The following CACNA2D3 variants were observed in gnomAD, a reference collection of about 807,000 sequenced individuals.
The protein encoded by CACNA2D3 is voltage-dependent calcium channel subunit alpha-2/delta-3.
Under a neutral mutation model 160.6 loss-of-function variants are expected in CACNA2D3, and 60 were observed. The observed-to-expected ratio is 0.37, with a 90% CI of 0.30 to 0.46. CACNA2D3 has a LOEUF of 0.46. Ranked by LOEUF, CACNA2D3 falls within the 20% of genes least tolerant of loss-of-function variation. The pLI is 1.00. For synonymous variants in CACNA2D3, 558 were observed against 492.9 expected, an observed-to-expected ratio of 1.13 and a Z score of -1.75; for missense variants, 1,205 against 1,365.0, an observed-to-expected ratio of 0.88 and a Z score of 1.85.
chr3:54,290,053 C>T (rs1272639421), intron 2 of CACNA2D3, among the ~76,000 whole-genome samples: 1 of 151,318 alleles, frequency 6.6e-6, no homozygotes, highest in Non-Finnish European at 1.5e-5. Context: ...CCGAAATTGA[C>T]AAATGGGATC....
At chr3:54,353,617 TGCAGTAGC>T (rs1401821027) in intron 3 of CACNA2D3, among the ~76,000 whole-genome samples, 1 of 152,154 alleles carries the variant, frequency 6.6e-6, no homozygotes, top group Non-Finnish European at 1.5e-5. Context: ...TTCCCAGCCA[TGCAGTAGC>T]GCAGAGTAGT....
At chr3:54,245,118 G>A (rs536028399) in intron 2 of CACNA2D3, among the ~76,000 whole-genome samples, 5 of 152,162 alleles carry the variant, frequency 3.3e-5, no homozygotes, top group African/African-American at 1.2e-4. Flanking sequence ...TCTCAACAAT[G>A]TCTTTGGACA....
chr3:54,359,277 A>G (rs1354664699), intron 3 of CACNA2D3, among the ~76,000 whole-genome samples: 1 of 152,174 alleles, frequency 6.6e-6, no homozygotes, highest in Non-Finnish European at 1.5e-5. Flanking sequence ...ATTATTTCAA[A>G]TATTCTCTGA....
At chr3:55,022,441 A>C (rs1034805406) in intron 35 of CACNA2D3, among the ~76,000 whole-genome samples, 17 of 152,036 alleles carry the variant, frequency 1.1e-4, no homozygotes, top group African/African-American at 4.1e-4. Flanking sequence ...AATCTTTTAA[A>C]ATTTATGGTG....
At chr3:54,527,473 G>A (rs1201187442) in intron 5 of CACNA2D3, among the ~76,000 whole-genome samples, 1 of 152,158 alleles carries the variant, frequency 6.6e-6, no homozygotes, top group South Asian at 2.1e-4. Flanking sequence ...TTAGCTCGGT[G>A]GAAGGGGAGT....
intron 13 of CACNA2D3, among the ~76,000 whole-genome samples, chr3:54,799,551 T>C (rs1048142015): frequency 6.6e-6 from 1 of 152,232 alleles, no homozygotes; most frequent in East Asian, 1.9e-4. Context: ...GGTTCTCTCT[T>C]GAAGACATCT....
At position 54,642,789 on chromosome 3, in the gene CACNA2D3, G is replaced by A. The variant is rs1274043262; in HGVS notation, c.1167+548G>A. On this transcript the variant is annotated intron_variant, in intron 11 of 37. Transcript: ENST00000474759. ...ATTAACCTTTTGAGGCCATTGTGAG[G>A]TTATTAATTGACTGATACTAATATT... 2.0e-5 allele frequency among the ~76,000 whole-genome samples: 3 copies of A among 152,168 alleles called. No individual in the cohort carries two copies. The East Asian group carries it at 5.8e-4, about 29-fold the overall frequency.
chr3:54,640,798 T>C (rs1489541157), intron 10 of CACNA2D3, among the ~76,000 whole-genome samples: 1 of 152,240 alleles, frequency 6.6e-6, no homozygotes, highest in Non-Finnish European at 1.5e-5. Flanking sequence ...ATATGCTGCA[T>C]TCTGTACTCA....
intron 19 of CACNA2D3, 84 bp from the exon 20 acceptor site, chr3:54,879,266 A>G (rs1699735962): frequency 9.4e-7 from 1 of 1,058,594 alleles, no homozygotes; most frequent in Admixed American, 2.3e-5. Flanking sequence ...GTGTCCATTT[A>G]TTTTTATTTA....
At chr3:54,435,497 A>G (rs1265053502) in intron 4 of CACNA2D3, among the ~76,000 whole-genome samples, 1 of 152,108 alleles carries the variant, frequency 6.6e-6, no homozygotes, top group African/African-American at 2.4e-5. Context: ...TTTAAATGCA[A>G]TAAGGCAGTG....
At chr3:54,827,290 C>T (rs527275966) in intron 14 of CACNA2D3, among the ~76,000 whole-genome samples, 21 of 152,112 alleles carry the variant, frequency 1.4e-4, no homozygotes, top group South Asian at 4.1e-4. Context: ...TTTAAGGCTA[C>T]GTAGATGCAA....
chr3:54,752,749 A>G, intron 12 of CACNA2D3, 72 bp downstream of exon 12: 6 of 1,063,640 alleles, frequency 5.6e-6, no homozygotes, highest in Middle Eastern at 2.0e-4. Context: ...TATTCATGAG[A>G]AAGTAGAGAG....
At chr3:55,031,100 A>C (rs553252976) in intron 35 of CACNA2D3, among the ~76,000 whole-genome samples, 3 of 152,324 alleles carry the variant, frequency 2.0e-5, no homozygotes, top group African/African-American at 7.2e-5. Context: ...CAGCAGAGCC[A>C]AGGAATATTT....
At chr3:54,149,510 G>A (rs941880927) in intron 2 of CACNA2D3, among the ~76,000 whole-genome samples, 2 of 152,246 alleles carry the variant, frequency 1.3e-5, no homozygotes, top group South Asian at 2.1e-4. Context: ...GGAGTGAGGC[G>A]TAGATGAGGA....
intron 14 of CACNA2D3, among the ~76,000 whole-genome samples, chr3:54,827,316 G>A (rs1445028755): frequency 6.6e-6 from 1 of 152,226 alleles, no homozygotes; most frequent in Non-Finnish European, 1.5e-5. Context: ...TCACAGCAAC[G>A]TTTGGTAGCA....
chr3:54,984,547 C>A, intron 29 of CACNA2D3, 61 bp from the exon 30 acceptor site: 1 of 896,488 alleles, frequency 1.1e-6, no homozygotes, highest in Non-Finnish European at 1.8e-6. Flanking sequence ...TGTTTAAAAG[C>A]AGTGTGATGG....
At chr3:54,788,246 G>A (rs1702678929) in intron 13 of CACNA2D3, among the ~76,000 whole-genome samples, 1 of 152,146 alleles carries the variant, frequency 6.6e-6, no homozygotes, top group South Asian at 2.1e-4. Flanking sequence ...TGTTGGACAT[G>A]GTAATCTTAA....
intron 3 of CACNA2D3, among the ~76,000 whole-genome samples, chr3:54,368,693 CTTTTTTT>C (rs33976949): frequency 2.8e-5 from 2 of 71,504 alleles, no homozygotes; most frequent in African/African-American, 4.6e-5. Flanking sequence ...GGGTAGGGTT[CTTTTTTT>C]TTTTTTTTTT....
intron 16 of CACNA2D3, among the ~76,000 whole-genome samples, chr3:54,840,325 TTA>T (rs1698791371): frequency 6.6e-6 from 1 of 152,054 alleles, no homozygotes; most frequent in South Asian, 2.1e-4. Flanking sequence ...CACCCCCATT[TTA>T]TAGTTAAAGA....
Sources: gnomAD v4.1 joint callset for allele counts (sites outside exome capture counted in the v4.1 genomes callset) on GRCh38, gnomAD v4.1.1 for gene constraint, MANE v1.5 for transcripts, NCBI Gene and HGNC (gene_info 2026-07-23, HGNC 2026-07-21) for gene names.